UNC5D: variants seen among roughly 807,000 people sequenced by gnomAD.
UNC5D encodes unc-5 netrin receptor D.
UNC5D carries 39 observed loss-of-function variants against 105.4 expected under a neutral mutation model. That is an observed-to-expected ratio of 0.37 (90% confidence interval 0.29 to 0.48). The LOEUF is 0.48. Among genes scored for constraint, UNC5D ranks in the 20% least tolerant of loss-of-function variants. The pLI is 0.98. For missense variants in UNC5D, 991 were observed against 1,202.4 expected, an observed-to-expected ratio of 0.82 and a Z score of 2.60; for synonymous variants, 452 against 450.4, an observed-to-expected ratio of 1.00 and a Z score of -0.04.
chr8:35,516,236 T>C (rs569261975), intron 1 of UNC5D, among the ~76,000 whole-genome samples: 1 of 152,358 alleles, frequency 6.6e-6, no homozygotes, highest in South Asian at 2.1e-4. Context: ...TTTCATGTTA[T>C]ATTTTTGATT....
At chr8:35,468,442 T>C (rs2129779302) in intron 1 of UNC5D, among the ~76,000 whole-genome samples, 1 of 152,316 alleles carries the variant, frequency 6.6e-6, no homozygotes, top group African/African-American at 2.4e-5. Flanking sequence ...AGTTGTCAAA[T>C]GTGGACATTC....
chr8:35,688,649 G>A (rs529505570), intron 7 of UNC5D, among the ~76,000 whole-genome samples: 12 of 152,238 alleles, frequency 7.9e-5, no homozygotes, highest in African/African-American at 1.9e-4. Context: ...AAGCTTTCCC[G>A]CTTCCTAAAT....
chr8:35,248,955 A>ATATATAATATATATTATATATTTT (rs1491193576), intron 1 of UNC5D, among the ~76,000 whole-genome samples: 9 of 94,140 alleles, frequency 9.6e-5, no homozygotes, highest in Non-Finnish European at 1.5e-4. Context: ...ATATATAAAC[A>ATATATAATATATATTATATATTTT]TATATAATAT....
chr8:35,620,550 G>C (rs143031382), intron 4 of UNC5D, among the ~76,000 whole-genome samples: 1 of 151,666 alleles, frequency 6.6e-6, no homozygotes, highest in Non-Finnish European at 1.5e-5. Context: ...CTTTGCATCT[G>C]CTTTTACCCT....
intron 1 of UNC5D, among the ~76,000 whole-genome samples, chr8:35,306,406 CT>C (rs1563298855): frequency 6.6e-6 from 1 of 151,928 alleles, no homozygotes; most frequent in Non-Finnish European, 1.5e-5. Context: ...GGGAGAGATG[CT>C]TTTAACTTGT....
chr8:35,754,326 T>A (rs1377935408), intron 13 of UNC5D, among the ~76,000 whole-genome samples: 1 of 152,216 alleles, frequency 6.6e-6, no homozygotes, highest in African/African-American at 2.4e-5. Flanking sequence ...CTTATGATGA[T>A]ACGTTTGTTG....
At chr8:35,770,215 T>TA (rs1801950271) in intron 15 of UNC5D, among the ~76,000 whole-genome samples, 1 of 152,174 alleles carries the variant, frequency 6.6e-6, no homozygotes, top group Non-Finnish European at 1.5e-5. Context: ...ATTTATATAA[T>TA]TAACATTTTA....
At chr8:35,597,221 G>C (rs1819543686) in intron 4 of UNC5D, among the ~76,000 whole-genome samples, 1 of 152,142 alleles carries the variant, frequency 6.6e-6, no homozygotes, top group Admixed American at 6.5e-5. Flanking sequence ...GAAGTAAACG[G>C]ACTTGAAAAT....
chr8:35,780,176 G>A (rs1390611084), intron 16 of UNC5D, among the ~76,000 whole-genome samples: 1 of 152,200 alleles, frequency 6.6e-6, no homozygotes, highest in African/African-American at 2.4e-5. Flanking sequence ...ACATGTATAA[G>A]CACTTGCCAG....
At chr8:35,624,330 C>T (rs1333603783) in intron 4 of UNC5D, among the ~76,000 whole-genome samples, 3 of 152,162 alleles carry the variant, frequency 2.0e-5, no homozygotes, top group African/African-American at 7.2e-5. Flanking sequence ...GAATATCTTT[C>T]CGCACAGTTA....
intron 1 of UNC5D, among the ~76,000 whole-genome samples, chr8:35,433,361 A>G (rs1806782980): frequency 6.6e-6 from 1 of 152,184 alleles, no homozygotes; most frequent in Admixed American, 6.6e-5. Flanking sequence ...CAAATCATTT[A>G]AAATGTTCTT....
intron 1 of UNC5D, among the ~76,000 whole-genome samples, chr8:35,391,850 A>C (rs1201670253): frequency 6.6e-6 from 1 of 152,166 alleles, no homozygotes; most frequent in Non-Finnish European, 1.5e-5. Flanking sequence ...ATTGGTGAGG[A>C]AGCCATTAAT....
intron 14 of UNC5D, among the ~76,000 whole-genome samples, chr8:35,766,540 C>T (rs1801775883): frequency 6.6e-6 from 1 of 152,070 alleles, no homozygotes; most frequent in Non-Finnish European, 1.5e-5. Context: ...AGAAGCATGG[C>T]CCACAGGAGT....
chr8:35,419,075 T>G (rs1225862994), intron 1 of UNC5D, among the ~76,000 whole-genome samples: 1 of 152,192 alleles, frequency 6.6e-6, no homozygotes, highest in African/African-American at 2.4e-5. Context: ...CAGCTCTATG[T>G]GGTTCCCAAA....
At chr8:35,542,186 G>A (rs1815324974) in intron 1 of UNC5D, among the ~76,000 whole-genome samples, 2 of 152,192 alleles carry the variant, frequency 1.3e-5, no homozygotes, top group East Asian at 1.9e-4. Flanking sequence ...CCTGGGGAAA[G>A]AGTCTGTGTT....
chr8:35,696,725 G>T (rs943245536), intron 7 of UNC5D, among the ~76,000 whole-genome samples: 1 of 151,990 alleles, frequency 6.6e-6, no homozygotes, highest in African/African-American at 2.4e-5. Context: ...AGATCATTAC[G>T]AAAGGTGATA....
intron 1 of UNC5D, among the ~76,000 whole-genome samples, chr8:35,373,054 T>C (rs1019995098): frequency 1.3e-5 from 2 of 152,196 alleles, no homozygotes; most frequent in Admixed American, 6.5e-5. Flanking sequence ...TCCCCCTCCG[T>C]GGTCTGCCCC....
chr8:35,592,158 TCAG>T (rs1181746056), intron 3 of UNC5D, among the ~76,000 whole-genome samples: 1 of 152,226 alleles, frequency 6.6e-6, no homozygotes, highest in African/African-American at 2.4e-5. Context: ...TATTTCTAAA[TCAG>T]CAGTTAGTTT....
chr8:35,316,525 T>G (rs1057260989), intron 1 of UNC5D, among the ~76,000 whole-genome samples: 6 of 152,158 alleles, frequency 3.9e-5, no homozygotes, highest in Non-Finnish European at 8.8e-5. Context: ...TTGCAAGGTG[T>G]GAACATATAT....
Sources: allele counts gnomAD v4.1 joint callset (sites outside exome capture counted in the v4.1 genomes callset), GRCh38; gene constraint gnomAD v4.1.1; transcripts MANE v1.5; gene names NCBI Gene and HGNC (gene_info 2026-07-23, HGNC 2026-07-21).